LOXL2: variants seen among roughly 807,000 people sequenced by gnomAD.
LOXL2 encodes lysyl oxidase homolog 2.
A neutral mutation model predicts 93.0 loss-of-function variants in LOXL2; 70 were observed. That is an observed-to-expected ratio of 0.75 (90% CI 0.62 to 0.92). The LOEUF is 0.92. Among genes scored for constraint, LOXL2 ranks in the 40% least tolerant of loss-of-function variants. The pLI, the probability that LOXL2 is intolerant of heterozygous loss-of-function variation, is 0.00. For synonymous variants in LOXL2, 438 were observed against 413.2 expected (o/e 1.06, Z -0.73); for missense variants, 973 against 1,054.9 (o/e 0.92, Z 1.08).
chr8:23,387,433 C>T (rs1377072289), intron 1 of LOXL2, among the ~76,000 whole-genome samples: 2 of 152,180 alleles, frequency 1.3e-5, no homozygotes, highest in Non-Finnish European at 2.9e-5. Context: ...CCTCCCAATG[C>T]AGGGGCCCAC....
chr8:23,310,238 G>A (rs1210606416), intron 9 of LOXL2, among the ~76,000 whole-genome samples: 1 of 152,226 alleles, frequency 6.6e-6, no homozygotes, highest in Non-Finnish European at 1.5e-5. Flanking sequence ...TGTGAGTGAT[G>A]AGCACGTGGG....
At chr8:23,390,509 A>C (rs1371431246) in intron 1 of LOXL2, among the ~76,000 whole-genome samples, 1 of 152,318 alleles carries the variant, frequency 6.6e-6, no homozygotes, top group South Asian at 2.1e-4. Flanking sequence ...TTTTTCCCCC[A>C]GCCTCCAAAA....
At chr8:23,298,807 T>C in intron 13 of LOXL2, 29 bp downstream of exon 13, 1 of 1,452,180 alleles carries the variant, frequency 6.9e-7, no homozygotes, top group South Asian at 1.1e-5. Context: ...TCCCGCCTGC[T>C]TCCTGGAGTG....
chr8:23,360,278 G>C lies in LOXL2; in HGVS notation c.356-13C>G. The stretch of plus-strand genomic sequence containing the variant: ...AACCAGATGGGCCCTGAAGGAGGCA[G>C]AGAGGAGAGAAACCAAGTGCTGCGT... On this transcript the variant is annotated splice_polypyrimidine_tract_variant and intron_variant, in intron 2 of 13. Transcript: ENST00000389131. 4 of 1,584,636 alleles carry C rather than the reference G, an allele frequency of 2.5e-6. No individual in the cohort carries two copies. The highest frequency in any genetic ancestry group is 3.5e-6 in the Non-Finnish European group (4 of 1,157,874).
intron 6 of LOXL2, among the ~76,000 whole-genome samples, chr8:23,323,734 C>T (rs530820315): frequency 6.6e-6 from 1 of 152,156 alleles, no homozygotes; most frequent in South Asian, 2.1e-4. Flanking sequence ...CGAACTCTTG[C>T]TCTGTTGCCC....
At chr8:23,356,446 C>T (rs910584744) in intron 3 of LOXL2, among the ~76,000 whole-genome samples, 1 of 152,178 alleles carries the variant, frequency 6.6e-6, no homozygotes, top group Non-Finnish European at 1.5e-5. Context: ...CATAAATATC[C>T]CACGTAGGTG....
rs535061179 is a variant in LOXL2, at chr8:23,351,526, A to G, written c.531+8564T>C. ...TCCTGTTCATTTATTTATTTCATCT[A>G]AAACAAATTATAAGCCTCCTTATTC... On this transcript the variant is annotated intron_variant, in intron 3 of 13. Coordinates refer to ENST00000389131, the MANE Select transcript of LOXL2 (RefSeq NM_002318.3). Among the ~76,000 whole-genome samples the G allele has an allele frequency of 3.3e-5, 5 of 152,374 alleles. No individual in the cohort carries two copies. The East Asian group carries it at 9.6e-4, about 29-fold the overall frequency.
At chr8:23,360,739 T>TGATGATGATGATAATGATGAC (rs1804275750) in intron 2 of LOXL2, among the ~76,000 whole-genome samples, 1 of 151,966 alleles carries the variant, frequency 6.6e-6, no homozygotes, top group Admixed American at 6.6e-5. Context: ...CTAAAAATAG[T>TGATGATGATGATAATGATGAC]GATGATGATG....
rs74345003 is a variant in LOXL2 at position 23,341,365 on chromosome 8, C to T, written c.532-162G>A. ...GCTCTGGGCAACCCCGAGGGGCACACGGCCCAAGCTGCAGTTAGAAAGCGC... is the reference window on the plus strand; with the variant it reads ...GCTCTGGGCAACCCCGAGGGGCACATGGCCCAAGCTGCAGTTAGAAAGCGC... On this transcript the variant is annotated intron_variant, in intron 3 of 13. Coordinates refer to ENST00000389131, the MANE Select transcript of LOXL2 (RefSeq NM_002318.3). 0.015 allele frequency: 9,911 copies of T among 641,552 alleles called. 539 individuals are homozygous for T. In the East Asian group the frequency reaches 0.15, roughly 10 times the overall value. 39.7% of individuals were successfully genotyped at this position (641,552 alleles called of 1,614,324 possible).
At chr8:23,303,505 A>AG (rs969712439) in intron 10 of LOXL2, 108 bp from the exon 11 acceptor site, 7 of 682,640 alleles carry the variant, frequency 1.0e-5, no homozygotes, top group African/African-American at 1.7e-5. Context: ...AGGGGACCAG[A>AG]GGGGGCCGGG....
At chr8:23,396,361 A>C (rs934990960) in intron 1 of LOXL2, among the ~76,000 whole-genome samples, 2 of 152,008 alleles carry the variant, frequency 1.3e-5, no homozygotes, top group Non-Finnish European at 1.5e-5. Context: ...CAAAAAAACG[A>C]GAGAGAGATC....
Position 23,322,185 on chromosome 8 carries a change from T to G in LOXL2, c.1247A>C (p.His416Pro). The change falls in exon 7 of 14, where the codon CAC becomes CCC. Residue 416 changes from histidine (H) to proline (P), a missense_variant. Transcript: ENST00000389131. Reference sequence around the variant, plus strand: ...GCATCTCACACCAGCATCCTCCTCGTGGTTGCAGCCCTGAGACTCGGCATT... The same window carrying G: ...GCATCTCACACCAGCATCCTCCTCGGGGTTGCAGCCCTGAGACTCGGCATT... Reference protein sequence around the residue: ...KFNAESQGCNHEEDAGVRCNT... With the variant: ...KFNAESQGCNPEEDAGVRCNT... The G allele has an allele frequency of 6.2e-7, 1 of 1,614,200 alleles. No homozygotes were observed.
At chr8:23,321,277 C>T (rs1043567657) in intron 7 of LOXL2, among the ~76,000 whole-genome samples, 1 of 151,950 alleles carries the variant, frequency 6.6e-6, no homozygotes, top group African/African-American at 2.4e-5. Context: ...GGCTCCAAGG[C>T]GTTAAGGCTT....
At chr8:23,298,798 C>T in intron 13 of LOXL2, 38 bp downstream of exon 13, 1 of 1,347,724 alleles carries the variant, frequency 7.4e-7, no homozygotes, top group Non-Finnish European at 1.1e-6. Flanking sequence ...TAGGGCAGCT[C>T]CCGCCTGCTT....
chr8:23,394,902 C>A (rs1005122812), intron 1 of LOXL2, among the ~76,000 whole-genome samples: 1 of 152,052 alleles, frequency 6.6e-6, no homozygotes, highest in Non-Finnish European at 1.5e-5. Flanking sequence ...ATACGGTATG[C>A]CCATACAATA....
rs138761125 is a variant in LOXL2, at chr8:23,368,059, C to T, written c.293G>A (p.Arg98Gln). The T allele has an allele frequency of 8.7e-5, 140 of 1,613,864 alleles. No homozygotes were observed. Among genetic ancestry groups the T allele is most frequent in the Non-Finnish European group, 1.1e-4 (129 of 1,180,054 alleles). Residue 98 changes from arginine to glutamine, a missense_variant, in exon 2 of 14, where the codon CGG (arginine) becomes CAG (glutamine). Physicochemically the swap from Arg to Gln is conservative, Grantham distance 43. Coordinates refer to ENST00000389131, the MANE Select transcript of LOXL2 (RefSeq NM_002318.3). Reference sequence around the variant, plus strand: ...CTTGGCCTCCACGTAGCCCAGCTCCCGGCAGACGACGTGGGCAGCGTGGAT... The same window carrying T: ...CTTGGCCTCCACGTAGCCCAGCTCCTGGCAGACGACGTGGGCAGCGTGGAT... ...FSIHAAHVVC[R>Q]ELGYVEAKSW...
At chr8:23,333,314 A>T (rs1585354730) in intron 5 of LOXL2, 87 bp downstream of exon 5, 1 of 1,267,188 alleles carries the variant, frequency 7.9e-7, no homozygotes, top group Non-Finnish European at 1.1e-6. Flanking sequence ...ACCCTTCCTC[A>T]CTCTCCTGGG....
intron 1 of LOXL2, among the ~76,000 whole-genome samples, chr8:23,374,412 G>A (rs1804551798): frequency 6.6e-6 from 1 of 152,280 alleles, no homozygotes; most frequent in African/African-American, 2.4e-5. Context: ...ATAAACATAT[G>A]TGTGCATGCG....
intron 8 of LOXL2, 80 bp downstream of exon 8, chr8:23,319,805 G>A (rs1803464618): frequency 1.4e-6 from 2 of 1,462,620 alleles, no homozygotes; most frequent in Non-Finnish European, 1.9e-6. Flanking sequence ...GAGGGTACGT[G>A]GGAGAGGGGG....
Sources: gnomAD v4.1 joint callset for allele counts (sites outside exome capture counted in the v4.1 genomes callset) on GRCh38, gnomAD v4.1.1 for gene constraint, MANE v1.5 for transcripts, NCBI Gene and HGNC (gene_info 2026-07-23, HGNC 2026-07-21) for gene names.